FBXL17: variants seen among roughly 807,000 people sequenced by gnomAD.
FBXL17 encodes the protein F-box and leucine rich repeat protein 17, also known as F-box/LRR-repeat protein 17.
Under a neutral mutation model 66.2 loss-of-function variants are expected in FBXL17, and 22 were observed. The observed-to-expected ratio is 0.33, with a 90% CI of 0.24 to 0.47. FBXL17 has a LOEUF of 0.47. Among genes scored for constraint, FBXL17 ranks in the 20% least tolerant of loss-of-function variants. FBXL17 has a pLI of 1.00. For synonymous variants in FBXL17, 474 were observed against 400.5 expected, an observed-to-expected ratio of 1.18 and a Z score of -2.19; for missense variants, 878 against 948.2, an observed-to-expected ratio of 0.93 and a Z score of 0.97.
At chr5:107,930,953 T>C (rs1482063323) in intron 7 of FBXL17, among the ~76,000 whole-genome samples, 1 of 151,254 alleles carries the variant, frequency 6.6e-6, no homozygotes, top group African/African-American at 2.4e-5. Context: ...TTAGTTCTAT[T>C]TACCATTTTG....
Position 108,152,420 on chromosome 5 carries a change from C to T in FBXL17, c.1745+33697G>A, listed in dbSNP as rs554679098. On this transcript the variant is annotated intron_variant, in intron 6 of 8. Coordinates refer to ENST00000542267, the MANE Select transcript of FBXL17 (RefSeq NM_001163315.3). The stretch of plus-strand genomic sequence containing the variant: ...ATAGTCAATTTTTTTTATTGTAGAG[C>T]TTTTATTAACTTTTTTCATTTGGTA... Among the ~76,000 whole-genome samples the T allele has an allele frequency of 2.1e-4, 32 of 152,092 alleles. No individual in the cohort carries two copies. The South Asian group carries it at 6.7e-3, about 32-fold the overall frequency.
intron 6 of FBXL17, among the ~76,000 whole-genome samples, chr5:108,080,447 G>A (rs1257839000): frequency 6.6e-6 from 1 of 152,208 alleles, no homozygotes; most frequent in African/African-American, 2.4e-5. Flanking sequence ...GTAATCAGTA[G>A]AGTCATATAC....
At chr5:108,293,965 CAGG>C (rs1480633557) in intron 4 of FBXL17, among the ~76,000 whole-genome samples, 1 of 144,776 alleles carries the variant, frequency 6.9e-6, no homozygotes, top group South Asian at 2.1e-4. Context: ...CCATTGAACC[CAGG>C]AGGCGGAGGC....
intron 4 of FBXL17, among the ~76,000 whole-genome samples, chr5:108,259,252 T>TA (rs1297315234): frequency 6.6e-6 from 1 of 152,178 alleles, no homozygotes; most frequent in African/African-American, 2.4e-5. Flanking sequence ...CCACAATCCA[T>TA]AAAAAATGTC....
chr5:108,070,580 A>T (rs1224194866), intron 6 of FBXL17, among the ~76,000 whole-genome samples: 2 of 152,238 alleles, frequency 1.3e-5, no homozygotes, highest in African/African-American at 2.4e-5. Context: ...GCATAAATCA[A>T]AACAGTACTC....
chr5:108,154,787 A>G (rs773586591), intron 6 of FBXL17, among the ~76,000 whole-genome samples: 6 of 148,498 alleles, frequency 4.0e-5, no homozygotes, highest in Non-Finnish European at 7.4e-5. Flanking sequence ...GGAACCATGA[A>G]GGAGACCCAG....
At chr5:108,157,433 A>G (rs1752037126) in intron 6 of FBXL17, among the ~76,000 whole-genome samples, 2 of 151,978 alleles carry the variant, frequency 1.3e-5, no homozygotes, top group African/African-American at 2.4e-5. Flanking sequence ...TATCTCTTAC[A>G]GGAAGGTTCG....
intron 4 of FBXL17, among the ~76,000 whole-genome samples, chr5:108,296,923 A>G (rs1758370881): frequency 1.3e-5 from 2 of 151,504 alleles, no homozygotes; most frequent in Admixed American, 1.3e-4. Context: ...ACCTAATTCC[A>G]TTGTTGCTCA....
At position 107,946,252 on chromosome 5, in the gene FBXL17, A is replaced by ATTT. The variant is rs201604465; in HGVS notation, c.1823-65076_1823-65074dup. On this transcript the variant is annotated intron_variant, in intron 7 of 8. Transcript: ENST00000542267. ...TAGTATTATTACTTTTATCAATCTCATTTTATATATATATATATATATATA... is the reference window on the plus strand; with the variant it reads ...TAGTATTATTACTTTTATCAATCTCATTTTTTTATATATATATATATATATATA... Among the ~76,000 whole-genome samples, 79 of 56,894 alleles carry ATTT rather than the reference A, an allele frequency of 1.4e-3. 2 individuals carry two copies. Among genetic ancestry groups the ATTT allele is most frequent in the African/African-American group, 5.4e-3 (75 of 13,970 alleles). 37.3% of individuals were successfully genotyped at this position (56,894 alleles called of 152,430 possible).
At chr5:107,903,883 T>A (rs1040446472) in intron 7 of FBXL17, among the ~76,000 whole-genome samples, 1 of 152,172 alleles carries the variant, frequency 6.6e-6, no homozygotes, top group East Asian at 1.9e-4. Flanking sequence ...ATTTCTCAAG[T>A]GCTTTTTTCT....
intron 4 of FBXL17, among the ~76,000 whole-genome samples, chr5:108,325,345 T>G (rs1759800853): frequency 6.6e-6 from 1 of 152,100 alleles, no homozygotes; most frequent in Non-Finnish European, 1.5e-5. Context: ...CTTTACCAAG[T>G]AAGTAGAATG....
intron 5 of FBXL17, among the ~76,000 whole-genome samples, chr5:108,211,597 C>T (rs2150061468): frequency 6.6e-6 from 1 of 152,280 alleles, no homozygotes; most frequent in Non-Finnish European, 1.5e-5. Context: ...CTTAGTTTGG[C>T]TGGATATGAA....
intron 7 of FBXL17, among the ~76,000 whole-genome samples, chr5:107,981,249 G>A (rs964107367): frequency 6.6e-6 from 1 of 152,186 alleles, no homozygotes; most frequent in African/African-American, 2.4e-5. Flanking sequence ...GGAGAACCAG[G>A]GGTGAAAATG....
intron 6 of FBXL17, among the ~76,000 whole-genome samples, chr5:108,174,234 A>C (rs1289856028): frequency 2.6e-5 from 4 of 152,190 alleles, no homozygotes; most frequent in Admixed American, 6.5e-5. Context: ...AAATCTTATA[A>C]ATATATTAAA....
chr5:108,260,978 T>A (rs960055750), intron 4 of FBXL17, among the ~76,000 whole-genome samples: 1 of 151,922 alleles, frequency 6.6e-6, no homozygotes, highest in East Asian at 1.9e-4. Context: ...AAAATAAACA[T>A]GATATAGCTA....
intron 7 of FBXL17, among the ~76,000 whole-genome samples, chr5:107,884,649 T>C (rs1239449771): frequency 2.6e-5 from 4 of 152,248 alleles, no homozygotes; most frequent in Non-Finnish European, 5.9e-5. Context: ...AAGCTAGCTA[T>C]AAAACCTGTA....
At chr5:107,993,146 T>C (rs1433827160) in intron 7 of FBXL17, among the ~76,000 whole-genome samples, 4 of 152,110 alleles carry the variant, frequency 2.6e-5, no homozygotes, top group African/African-American at 7.2e-5. Flanking sequence ...CCACCCACCT[T>C]GGCCTCCCAA....
chr5:107,904,044 C>A (rs1749667073), intron 7 of FBXL17, among the ~76,000 whole-genome samples: 1 of 152,150 alleles, frequency 6.6e-6, no homozygotes, highest in South Asian at 2.1e-4. Context: ...TAATTCATTA[C>A]AAAACAAACA....
chr5:108,343,441 GTAAATTATT>G (rs1489057315), intron 4 of FBXL17, among the ~76,000 whole-genome samples: 5 of 152,108 alleles, frequency 3.3e-5, no homozygotes, highest in Non-Finnish European at 5.9e-5. Flanking sequence ...CCTCAAAAAT[GTAAATTATT>G]TATGTCTGGT....
Sources: gnomAD v4.1 joint callset for allele counts (sites outside exome capture counted in the v4.1 genomes callset) on GRCh38, gnomAD v4.1.1 for gene constraint, MANE v1.5 for transcripts, NCBI Gene and HGNC (gene_info 2026-07-23, HGNC 2026-07-21) for gene names.